ZNF804A: variants seen among roughly 807,000 people sequenced by gnomAD.
ZNF804A encodes zinc finger protein 804A.
In ZNF804A, 2 loss-of-function variants were observed where a neutral mutation model predicts 16.5. The ratio of observed to expected loss-of-function variants is 0.12; its 90% CI spans 0.05 to 0.38. ZNF804A has a LOEUF of 0.38. Ranked by LOEUF, ZNF804A falls within the 10% of genes least tolerant of loss-of-function variation. The pLI, the probability that ZNF804A is intolerant of heterozygous loss-of-function variation, is 0.99. For missense variants in ZNF804A, 1,473 were observed against 1,390.7 expected, an observed-to-expected ratio of 1.06 and a Z score of -0.94; for synonymous variants, 534 against 489.6, an observed-to-expected ratio of 1.09 and a Z score of -1.20.
chr2:184,635,156 AATTGT>A (rs1691676297), intron 1 of ZNF804A, among the ~76,000 whole-genome samples: 1 of 152,148 alleles, frequency 6.6e-6, no homozygotes, highest in Non-Finnish European at 1.5e-5. Flanking sequence ...ACTCTTATTT[AATTGT>A]ATGTACCTGT....
intron 1 of ZNF804A, among the ~76,000 whole-genome samples, chr2:184,766,412 G>T (rs944486256): frequency 3.3e-5 from 5 of 151,820 alleles, no homozygotes; most frequent in African/African-American, 7.3e-5. Context: ...ATACCCAAAA[G>T]ATTTTTAAGA....
chr2:184,640,189 TAGG>T (rs1691771686), intron 1 of ZNF804A, among the ~76,000 whole-genome samples: 1 of 142,332 alleles, frequency 7.0e-6, no homozygotes, highest in Non-Finnish European at 1.5e-5. Context: ...AAAAAAGAAG[TAGG>T]AGGAGGAGCA....
In ZNF804A at chr2:184,936,706, T is replaced by G. The variant is rs746374699; in HGVS notation, c.1310T>G (p.Leu437Arg). 8 of 1,613,718 alleles carry G rather than the reference T, an allele frequency of 5.0e-6. No individual in the cohort carries two copies. The highest frequency in any genetic ancestry group is 6.8e-6 in the Non-Finnish European group (8 of 1,179,870). ...CTTAACAAACACAGATCTACAGTTC[T>G]TCAGTGGCCATCAGAAATGCTGGTT... ...PVLNKHRSTV[L>R]QWPSEMLVYT... Residue 437 changes from leucine (L) to arginine (R), a missense_variant, in exon 4 of 4, where the codon CTT becomes CGT. Coordinates refer to ENST00000302277, the MANE Select transcript of ZNF804A (RefSeq NM_194250.2).
At chr2:184,661,530 G>A (rs1413574020) in intron 1 of ZNF804A, among the ~76,000 whole-genome samples, 2 of 152,200 alleles carry the variant, frequency 1.3e-5, no homozygotes, top group African/African-American at 2.4e-5. Flanking sequence ...AGCCATCCAC[G>A]AAGCTGAGTC....
intron 1 of ZNF804A, among the ~76,000 whole-genome samples, chr2:184,641,051 T>C (rs577418364): frequency 1.5e-3 from 234 of 152,132 alleles, no homozygotes; most frequent in Non-Finnish European, 2.8e-3. Flanking sequence ...GCTTCCTGGG[T>C]TCAAGCAATT....
intron 1 of ZNF804A, among the ~76,000 whole-genome samples, chr2:184,599,547 T>C (rs1691013322): frequency 6.6e-6 from 1 of 152,176 alleles, no homozygotes; most frequent in Admixed American, 6.5e-5. Flanking sequence ...TCCAGCTCTT[T>C]CCTGAAGGAC....
chr2:184,704,000 G>A (rs987289459), intron 1 of ZNF804A, among the ~76,000 whole-genome samples: 17 of 152,064 alleles, frequency 1.1e-4, no homozygotes, highest in African/African-American at 3.4e-4. Context: ...TCAAAGATGC[G>A]AAAAGTTCTC....
intron 1 of ZNF804A, among the ~76,000 whole-genome samples, chr2:184,724,151 A>G (rs1693364989): frequency 6.6e-6 from 1 of 151,698 alleles, no homozygotes; most frequent in Non-Finnish European, 1.5e-5. Context: ...CACCAGGAAA[A>G]GGCCATTGTA....
rs1288949833 is a variant in ZNF804A at position 184,842,816 on chromosome 2, A to G, written c.112-23553A>G. Among the ~76,000 whole-genome samples, 3 of 152,314 alleles carry G rather than the reference A, an allele frequency of 2.0e-5. No individual in the cohort carries two copies. The East Asian group carries it at 5.8e-4, about 29-fold the overall frequency. On this transcript the variant is annotated intron_variant, in intron 1 of 3. Coordinates refer to ENST00000302277, the MANE Select transcript of ZNF804A (RefSeq NM_194250.2). The stretch of plus-strand genomic sequence containing the variant: ...TAAAACACCTCAAGATCAGTTTCAC[A>G]GATTTAACAGAGTAGTCATTTCCAG...
chr2:184,867,127 C>T (rs1695889035), intron 2 of ZNF804A, among the ~76,000 whole-genome samples: 1 of 151,538 alleles, frequency 6.6e-6, no homozygotes, highest in South Asian at 2.1e-4. Flanking sequence ...AATTATAAAT[C>T]CTAGATTTTT....
At chr2:184,692,656 G>A (rs1303776784) in intron 1 of ZNF804A, among the ~76,000 whole-genome samples, 2 of 152,134 alleles carry the variant, frequency 1.3e-5, no homozygotes, top group Non-Finnish European at 2.9e-5. Flanking sequence ...GCTGACACCA[G>A]AAATCTGTCT....
intron 1 of ZNF804A, among the ~76,000 whole-genome samples, chr2:184,789,253 T>A (rs1204868399): frequency 6.6e-6 from 1 of 152,088 alleles, no homozygotes; most frequent in African/African-American, 2.4e-5. Context: ...TTTTGCTGAT[T>A]TTTGCATCTG....
chr2:184,671,824 C>T (rs1291959866), intron 1 of ZNF804A, among the ~76,000 whole-genome samples: 3 of 152,186 alleles, frequency 2.0e-5, no homozygotes, highest in African/African-American at 7.2e-5. Flanking sequence ...TGTTTTCTCC[C>T]ATTTCAGTCC....
rs1318851017 is a variant in ZNF804A at position 184,685,178 on chromosome 2, G to T, written c.111+86108G>T. On this transcript the variant is annotated intron_variant, in intron 1 of 3. Transcript: ENST00000302277. ...CAGGCAGCTCCAGGCTCTGGCATAG[G>T]TGCTGGCTTCGTGTGAGGTTGTAGC... 4.6e-5 allele frequency among the ~76,000 whole-genome samples: 7 copies of T among 152,070 alleles called. No homozygotes were observed. In the East Asian group the frequency reaches 1.4e-3, roughly 29 times the overall value.
At chr2:184,718,919 G>A (rs529602892) in intron 1 of ZNF804A, among the ~76,000 whole-genome samples, 7 of 152,224 alleles carry the variant, frequency 4.6e-5, no homozygotes, top group Admixed American at 2.6e-4. Flanking sequence ...CCCCAGTGGG[G>A]ATTCTGTGTG....
At chr2:184,876,716 G>A (rs927506909) in intron 2 of ZNF804A, among the ~76,000 whole-genome samples, 5 of 152,156 alleles carry the variant, frequency 3.3e-5, no homozygotes, top group African/African-American at 1.2e-4. Context: ...TGCCATTTTC[G>A]TACACCTTCC....
intron 1 of ZNF804A, among the ~76,000 whole-genome samples, chr2:184,702,481 T>G (rs1692935572): frequency 6.6e-6 from 1 of 152,106 alleles, no homozygotes; most frequent in South Asian, 2.1e-4. Flanking sequence ...TCTGCCACTT[T>G]AAATTTCTAA....
At chr2:184,771,082 G>A (rs1450965424) in intron 1 of ZNF804A, among the ~76,000 whole-genome samples, 1 of 151,954 alleles carries the variant, frequency 6.6e-6, no homozygotes, top group Non-Finnish European at 1.5e-5. Flanking sequence ...ACAGTATGAA[G>A]ATGAGCAAAC....
chr2:184,709,986 T>C (rs1375467465), intron 1 of ZNF804A, among the ~76,000 whole-genome samples: 2 of 151,062 alleles, frequency 1.3e-5, no homozygotes, highest in Non-Finnish European at 3.0e-5. Context: ...ATAGTATTTA[T>C]ATTGCTTTGT....
Sources: gnomAD v4.1 joint callset for allele counts (sites outside exome capture counted in the v4.1 genomes callset) on GRCh38, gnomAD v4.1.1 for gene constraint, MANE v1.5 for transcripts, NCBI Gene and HGNC (gene_info 2026-07-23, HGNC 2026-07-21) for gene names.